The following CNTNAP5 variants were observed in gnomAD, a reference collection of about 807,000 sequenced individuals.
CNTNAP5 encodes contactin-associated protein-like 5.
Under a neutral mutation model 150.2 loss-of-function variants are expected in CNTNAP5, and 72 were observed. The ratio of observed to expected loss-of-function variants is 0.48; its 90% CI spans 0.40 to 0.58. The LOEUF is 0.58. Among genes scored for constraint, CNTNAP5 ranks in the 20% least tolerant of loss-of-function variants. CNTNAP5 has a pLI of 0.00. For synonymous variants in CNTNAP5, 672 were observed against 619.8 expected, an observed-to-expected ratio of 1.08 and a Z score of -1.25; for missense variants, 1,636 against 1,626.2, an observed-to-expected ratio of 1.01 and a Z score of -0.10.
chr2:124,282,046 GA>G (rs1688027172), intron 3 of CNTNAP5, among the ~76,000 whole-genome samples: 1 of 152,074 alleles, frequency 6.6e-6, no homozygotes, highest in Admixed American at 6.6e-5. Context: ...TAGATGCAAA[GA>G]TCCAAGGCAA....
intron 3 of CNTNAP5, among the ~76,000 whole-genome samples, chr2:124,281,187 A>C (rs2104623141): frequency 6.6e-6 from 1 of 152,280 alleles, no homozygotes; most frequent in African/African-American, 2.4e-5. Context: ...TAAGAGAGAA[A>C]ATTTTTGAAG....
At chr2:124,077,750 G>A (rs189503051) in intron 1 of CNTNAP5, among the ~76,000 whole-genome samples, 40 of 152,302 alleles carry the variant, frequency 2.6e-4, no homozygotes, top group African/African-American at 9.1e-4. Context: ...TCTAATACCA[G>A]CTTTATAGAA....
chr2:124,397,185 C>T (rs1459417946), intron 3 of CNTNAP5, among the ~76,000 whole-genome samples: 1 of 152,156 alleles, frequency 6.6e-6, no homozygotes. Context: ...TGTGTGATTA[C>T]TTGGTGCAGG....
intron 11 of CNTNAP5, among the ~76,000 whole-genome samples, chr2:124,598,915 G>A (rs1003852561): frequency 2.0e-4 from 30 of 152,008 alleles, no homozygotes; most frequent in Admixed American, 9.2e-4. Flanking sequence ...TTCCAGGTGC[G>A]TCCGTCACCC....
At chr2:124,396,683 G>C (rs1318463906) in intron 3 of CNTNAP5, among the ~76,000 whole-genome samples, 1 of 151,978 alleles carries the variant, frequency 6.6e-6, no homozygotes, top group Non-Finnish European at 1.5e-5. Flanking sequence ...GCTCCAGAAA[G>C]CCATGAAAAT....
At chr2:124,510,627 T>G (rs2104871557) in intron 8 of CNTNAP5, among the ~76,000 whole-genome samples, 1 of 151,626 alleles carries the variant, frequency 6.6e-6, no homozygotes, top group South Asian at 2.1e-4. Context: ...CTTAAAAGGA[T>G]TATCATCTAA....
intron 1 of CNTNAP5, among the ~76,000 whole-genome samples, chr2:124,218,630 CTG>C (rs1686223778): frequency 6.6e-6 from 1 of 152,088 alleles, no homozygotes; most frequent in South Asian, 2.1e-4. Context: ...TCCCTGGAAA[CTG>C]AGATACAAGG....
intron 11 of CNTNAP5, among the ~76,000 whole-genome samples, chr2:124,606,493 A>G (rs573433334): frequency 1.4e-4 from 22 of 152,348 alleles, no homozygotes; most frequent in African/African-American, 4.3e-4. Flanking sequence ...CTGATCTTTT[A>G]TACCAAGGCT....
chr2:124,565,302 A>T (rs1695992873), intron 11 of CNTNAP5, among the ~76,000 whole-genome samples: 1 of 152,120 alleles, frequency 6.6e-6, no homozygotes, highest in African/African-American at 2.4e-5. Context: ...AAACTTTTCT[A>T]CTGATAAATT....
chr2:124,536,266 T>A (rs1695229372), intron 10 of CNTNAP5, among the ~76,000 whole-genome samples: 1 of 152,206 alleles, frequency 6.6e-6, no homozygotes, highest in Non-Finnish European at 1.5e-5. Flanking sequence ...TGAGCAAACA[T>A]TCCTAAATGT....
At chr2:124,314,800 C>T (rs758491328) in intron 3 of CNTNAP5, among the ~76,000 whole-genome samples, 22 of 152,092 alleles carry the variant, frequency 1.4e-4, no homozygotes, top group Non-Finnish European at 2.1e-4. Flanking sequence ...TCCTACTTTA[C>T]GAATGTATTT....
At chr2:124,871,769 G>A (rs1013454650) in intron 21 of CNTNAP5, among the ~76,000 whole-genome samples, 5 of 151,892 alleles carry the variant, frequency 3.3e-5, no homozygotes, top group African/African-American at 9.7e-5. Context: ...TTGTCATCAC[G>A]TATCTGCTTG....
chr2:124,570,206 C>G (rs1696120055), intron 11 of CNTNAP5, among the ~76,000 whole-genome samples: 1 of 152,168 alleles, frequency 6.6e-6, no homozygotes, highest in Admixed American at 6.6e-5. Flanking sequence ...ATTTATGAGG[C>G]ATGTGCACAT....
At chr2:124,197,306 T>C (rs1685611204) in intron 1 of CNTNAP5, among the ~76,000 whole-genome samples, 1 of 152,208 alleles carries the variant, frequency 6.6e-6, no homozygotes, top group Non-Finnish European at 1.5e-5. Flanking sequence ...AGTTTTACCA[T>C]CTACACTTCT....
chr2:124,894,541 ATTTTCTT>A (rs1213673573), intron 21 of CNTNAP5, among the ~76,000 whole-genome samples: 8 of 149,364 alleles, frequency 5.4e-5, no homozygotes, highest in Non-Finnish European at 1.2e-4. Flanking sequence ...GCTGTTTTTT[ATTTTCTT>A]TTTTCTTTTT....
rs564259880 is a variant in CNTNAP5, at chr2:124,188,643, C to T, written c.83-33062C>T. ...CTGAGGCAGGAGAATGGCGTGAACCCAGGAGGCAGAGCTTGCAGTGAGCCG... is the reference window on the plus strand; with the variant it reads ...CTGAGGCAGGAGAATGGCGTGAACCTAGGAGGCAGAGCTTGCAGTGAGCCG... On this transcript the variant is annotated intron_variant, in intron 1 of 23. Coordinates refer to ENST00000682447, the MANE Select transcript of CNTNAP5 (RefSeq NM_001367498.1). Among the ~76,000 whole-genome samples the T allele has an allele frequency of 3.5e-5, 5 of 142,632 alleles. No individual in the cohort carries two copies. In the East Asian group the frequency reaches 1.0e-3, roughly 30 times the overall value. The allele number at this position is 142,632 out of a possible 152,430, so 93.6% of individuals were successfully genotyped here.
chr2:124,741,039 G>A (rs1198243473), intron 13 of CNTNAP5, among the ~76,000 whole-genome samples: 2 of 152,166 alleles, frequency 1.3e-5, no homozygotes, highest in East Asian at 1.9e-4. Flanking sequence ...ACTGCCACAT[G>A]TATTTGCTCA....
At chr2:124,200,515 T>C (rs747606713) in intron 1 of CNTNAP5, among the ~76,000 whole-genome samples, 3 of 152,176 alleles carry the variant, frequency 2.0e-5, no homozygotes, top group Non-Finnish European at 4.4e-5. Context: ...AATATGCTTT[T>C]ATTTTGAATT....
At chr2:124,281,811 G>A (rs1463380601) in intron 3 of CNTNAP5, among the ~76,000 whole-genome samples, 1 of 152,130 alleles carries the variant, frequency 6.6e-6, no homozygotes, top group African/African-American at 2.4e-5. Context: ...AAAGCGAGAG[G>A]CATCTTTTAG....
Sources: allele counts gnomAD v4.1 joint callset (sites outside exome capture counted in the v4.1 genomes callset), GRCh38; gene constraint gnomAD v4.1.1; transcripts MANE v1.5; gene names NCBI Gene and HGNC (gene_info 2026-07-23, HGNC 2026-07-21).